Variants in SEMA4D observed in about 807,000 individuals in gnomAD.
SEMA4D encodes the protein semaphorin-4D.
A neutral mutation model predicts 74.8 loss-of-function variants in SEMA4D; 22 were observed. The ratio of observed to expected loss-of-function variants is 0.29; its 90% CI spans 0.21 to 0.42. SEMA4D has a LOEUF of 0.42. Ranked by LOEUF, SEMA4D falls within the 10% of genes least tolerant of loss-of-function variation. The probability of loss-of-function intolerance (pLI) is 1.00; values close to 1 mark genes in which losing one functional copy is unlikely to be tolerated. For missense variants in SEMA4D, 937 were observed against 1,118.4 expected (o/e 0.84, Z 2.31); for synonymous variants, 445 against 463.7 (o/e 0.96, Z 0.52).
In SEMA4D at chr9:89,458,875, T is replaced by A. The variant is rs115781306; in HGVS notation, c.-309-2922A>T. Among the ~76,000 whole-genome samples, 439 of 151,968 alleles carry A rather than the reference T, an allele frequency of 2.9e-3. 1 individual carries two copies. Among genetic ancestry groups the A allele is most frequent in the African/African-American group, 0.01 (415 of 41,412 alleles). ...ATGGATACACATACACACAAACACA[T>A]GCACAAACATATGTACCTATACGCA... On this transcript the variant is annotated intron_variant, in intron 1 of 15. Coordinates refer to ENST00000422704, the MANE Select transcript of SEMA4D (RefSeq NM_001371194.2).
At chr9:89,450,816 C>T in intron 2 of SEMA4D, 1 of 724,482 alleles carries the variant, frequency 1.4e-6, no homozygotes, top group South Asian at 1.9e-5. Flanking sequence ...ACACCCTAGA[C>T]TCTGTGAAGT....
chr9:89,424,823 C>T (rs1340264153), intron 2 of SEMA4D, among the ~76,000 whole-genome samples: 1 of 152,210 alleles, frequency 6.6e-6, no homozygotes, highest in South Asian at 2.1e-4. Flanking sequence ...CTTACGGCCC[C>T]TGTGCCCCCG....
intron 2 of SEMA4D, among the ~76,000 whole-genome samples, chr9:89,422,084 A>G (rs1847085212): frequency 6.6e-6 from 1 of 152,264 alleles, no homozygotes; most frequent in African/African-American, 2.4e-5. Context: ...CACATTGCTG[A>G]CGATCTCTAA....
In SEMA4D at chr9:89,426,728, C is replaced by T. The variant is rs138842002; in HGVS notation, c.-243-21029G>A. 7.3e-3 allele frequency among the ~76,000 whole-genome samples: 1,105 copies of T among 152,322 alleles called. 12 individuals are homozygous for T. Among genetic ancestry groups the T allele is most frequent in the African/African-American group, 0.025 (1,053 of 41,564 alleles). On this transcript the variant is annotated intron_variant, in intron 2 of 15. Transcript: ENST00000422704. ...CCCCTCAGAGGCCACAAGAACCTCCCTCAACCTCAGTATCAGAGGAAGCAA... is the reference window on the plus strand; with the variant it reads ...CCCCTCAGAGGCCACAAGAACCTCCTTCAACCTCAGTATCAGAGGAAGCAA...
rs1481294514 is a variant in SEMA4D, at chr9:89,484,976, G to A, written c.-310+12943C>T. The stretch of plus-strand genomic sequence containing the variant: ...TACTGGGTGGGTGGTGGAGGCATAT[G>A]TGTGTAGTATGTTGTGTGTGTGTGT... On this transcript the variant is annotated intron_variant, in intron 1 of 15. Transcript: ENST00000422704. The surrounding 1 kb of genome is among the most constrained non-coding windows in gnomAD (Gnocchi z 4.1). 2.2e-5 allele frequency among the ~76,000 whole-genome samples: 3 copies of A among 139,254 alleles called. No homozygotes were observed. The highest frequency in any genetic ancestry group is 5.1e-5 in the African/African-American group (2 of 39,232). The allele number at this position is 139,254 out of a possible 152,430, so 91.4% of individuals were successfully genotyped here.
chr9:89,400,431 G>A (rs1019522353), intron 4 of SEMA4D, among the ~76,000 whole-genome samples: 14 of 152,226 alleles, frequency 9.2e-5, no homozygotes, highest in African/African-American at 2.7e-4. Context: ...CAAAAGGCTT[G>A]TAGCAGGTGT....
chr9:89,403,560 T>A (rs893136948), intron 3 of SEMA4D, among the ~76,000 whole-genome samples: 1 of 152,226 alleles, frequency 6.6e-6, no homozygotes, highest in Non-Finnish European at 1.5e-5. Flanking sequence ...CACAAACTTA[T>A]AGACAGAGAA....
At chr9:89,385,865 T>TTGGGGGGGC in intron 13 of SEMA4D, 3 of 213,330 alleles carry the variant, frequency 1.4e-5, no homozygotes, top group Non-Finnish European at 2.4e-5. Context: ...CCAGCGTGGA[T>TTGGGGGGGC]GCCCGCCCAC....
intron 13 of SEMA4D, among the ~76,000 whole-genome samples, chr9:89,382,997 G>T (rs955989028): frequency 6.6e-6 from 1 of 152,216 alleles, no homozygotes; most frequent in Non-Finnish European, 1.5e-5. Flanking sequence ...GATGGGGCTG[G>T]GCTGCAGCCC....
rs1426365258 is a variant in SEMA4D at position 89,378,758 on chromosome 9, G to A, written c.2535C>T (p.Pro845=). ...RIDDLSARDK[P]FDVKCELKFA... ...ACTTCAGCTCACACTTGACGTCAAA[G>A]GGCTTGTCCCTGGCAGAAAGGTCGT... Residue 845 remains proline, a synonymous_variant, in exon 16 of 16, where the codon CCC becomes CCT. Coordinates refer to ENST00000422704, the MANE Select transcript of SEMA4D (RefSeq NM_001371194.2). 1.2e-6 allele frequency: 2 copies of A among 1,614,222 alleles called. No individual in the cohort carries two copies. Among genetic ancestry groups the A allele is most frequent in the Admixed American group, 1.7e-5 (1 of 60,026 alleles).
At chr9:89,395,528 G>A (rs1292483516) in intron 6 of SEMA4D, among the ~76,000 whole-genome samples, 1 of 152,122 alleles carries the variant, frequency 6.6e-6, no homozygotes. Flanking sequence ...AAGTTTAAAT[G>A]ACAGAACTTT....
At chr9:89,421,597 T>C (rs528867242) in intron 2 of SEMA4D, among the ~76,000 whole-genome samples, 2 of 152,326 alleles carry the variant, frequency 1.3e-5, no homozygotes, top group South Asian at 4.1e-4. Context: ...TGCGTCTATG[T>C]GCATGGGTAC....
chr9:89,420,989 T>A, intron 2 of SEMA4D, among the ~76,000 whole-genome samples: 1 of 152,354 alleles, frequency 6.6e-6, no homozygotes, highest in Non-Finnish European at 1.5e-5. Context: ...TCTGCCTAGC[T>A]AAGAAGACTC....
At chr9:89,387,091 A>C in intron 12 of SEMA4D, 1 of 338,378 alleles carries the variant, frequency 3.0e-6, no homozygotes. Flanking sequence ...CTGCGTGGGC[A>C]CTGCCCCAAC....
intron 6 of SEMA4D, among the ~76,000 whole-genome samples, chr9:89,394,694 C>A (rs1840555243): frequency 6.6e-6 from 1 of 152,220 alleles, no homozygotes; most frequent in Non-Finnish European, 1.5e-5. Flanking sequence ...ACGTGGAAGG[C>A]CGCAGCTGAC....
intron 2 of SEMA4D, among the ~76,000 whole-genome samples, chr9:89,422,472 T>C (rs926399454): frequency 2.6e-5 from 4 of 152,172 alleles, no homozygotes; most frequent in African/African-American, 9.7e-5. Flanking sequence ...AGAGGAGACC[T>C]GAAGTCCAAG....
At chr9:89,370,173 T>G (rs1834331632) in intron 16 of SEMA4D, among the ~76,000 whole-genome samples, 1 of 151,066 alleles carries the variant, frequency 6.6e-6, no homozygotes, top group African/African-American at 2.4e-5. Context: ...GGTCTGTGTG[T>G]ATGGTGTTTG....
At chr9:89,387,656 C>T (rs1334437254) in intron 11 of SEMA4D, 48 bp from the exon 12 acceptor site, 5 of 1,564,468 alleles carry the variant, frequency 3.2e-6, no homozygotes, top group Middle Eastern at 2.2e-4. Flanking sequence ...TCCCACCACG[C>T]AACGGGTGCT....
rs201255540 is a variant in SEMA4D at position 89,362,466 on chromosome 9, C to T, written c.2191-38G>A. On this transcript the variant is annotated intron_variant, in intron 18 of 18. Transcript: ENST00000339861. ...TGTGGTCTTTGAATCCTTGGTGGAA[C>T]GGATGGGCCTTTCCTGCTCTGCAGC... 2.9e-5 allele frequency: 46 copies of T among 1,613,990 alleles called. No individual in the cohort carries two copies. In the Admixed American group the frequency reaches 5.2e-4, roughly 18 times the overall value.
Sources: gnomAD v4.1 joint callset for allele counts (sites outside exome capture counted in the v4.1 genomes callset) on GRCh38, gnomAD v4.1.1 for gene constraint, Gnocchi (gnomAD v3.1) non-coding constraint, MANE v1.5 for transcripts, NCBI Gene and HGNC (gene_info 2026-07-23, HGNC 2026-07-21) for gene names.